The following EPB41L4A variants were observed in gnomAD, a reference collection of about 807,000 sequenced individuals.
The protein encoded by EPB41L4A is band 4.1-like protein 4A.
EPB41L4A carries 100 observed loss-of-function variants against 108.6 expected under a neutral mutation model. The ratio of observed to expected loss-of-function variants is 0.92; its 90% CI spans 0.78 to 1.09. EPB41L4A has a LOEUF of 1.09. Ranked by LOEUF, EPB41L4A falls within the 50% of genes least tolerant of loss-of-function variation. The pLI is 0.00. For synonymous variants in EPB41L4A, 319 were observed against 289.0 expected (o/e 1.10, Z -1.05); for missense variants, 1,030 against 842.7 (o/e 1.22, Z -2.75).
intron 2 of EPB41L4A, among the ~76,000 whole-genome samples, chr5:112,280,591 A>G (rs1226702534): frequency 6.6e-6 from 1 of 152,098 alleles, no homozygotes; most frequent in African/African-American, 2.4e-5. Flanking sequence ...GAAGTTTAAG[A>G]CCACCCTGGC....
In EPB41L4A at chr5:112,184,158, G is replaced by GT. The variant is rs746557317; in HGVS notation, c.1503-24_1503-23insA. 8 of 1,613,084 alleles carry GT rather than the reference G, an allele frequency of 5.0e-6. No homozygotes were observed. The Admixed American group carries it at 6.7e-5, about 13-fold the overall frequency. On this transcript the variant is annotated intron_variant, in intron 17 of 22. Transcript: ENST00000261486. ...ATTCTGAAAGGAAAGCCATGCATCT[G>GT]AAGTTAACATCTACATGGATGGCGC... is the stretch of plus-strand genomic sequence containing the variant.
At chr5:112,314,390 G>A (rs761706285) in intron 1 of EPB41L4A, among the ~76,000 whole-genome samples, 5 of 151,158 alleles carry the variant, frequency 3.3e-5, no homozygotes, top group Admixed American at 1.3e-4. Flanking sequence ...GAAGTCAGCC[G>A]GGCATGGTGG....
At chr5:112,320,921 C>T (rs1317287023) in intron 1 of EPB41L4A, among the ~76,000 whole-genome samples, 5 of 152,212 alleles carry the variant, frequency 3.3e-5, no homozygotes, top group African/African-American at 7.2e-5. Flanking sequence ...TTTAAGGGAA[C>T]TCCCCAACCC....
At chr5:112,376,054 G>A (rs1262065774) in intron 1 of EPB41L4A, among the ~76,000 whole-genome samples, 2 of 152,152 alleles carry the variant, frequency 1.3e-5, no homozygotes, top group Non-Finnish European at 2.9e-5. Context: ...CTTAATAACT[G>A]CTGCTAAGCA....
chr5:112,363,350 CTT>C (rs1299255145), intron 1 of EPB41L4A: 1 of 147,978 alleles, frequency 6.8e-6, no homozygotes, highest in East Asian at 2.0e-4. Context: ...ATGCCCAACA[CTT>C]TGAGAGGCTG....
rs529017156 is a variant in EPB41L4A, at chr5:112,197,519, C to G, written c.1377-1811G>C. ...AGTGTTCCAGGAATATGATTCCATT[C>G]TTTTGTAGGTTTTAAATTTTCTAAG... On this transcript the variant is annotated intron_variant, in intron 15 of 22. Coordinates refer to ENST00000261486, the MANE Select transcript of EPB41L4A (RefSeq NM_022140.5). Among the ~76,000 whole-genome samples the G allele has an allele frequency of 2.7e-4, 41 of 152,246 alleles. 1 individual carries two copies. The South Asian group carries it at 8.5e-3, about 32-fold the overall frequency.
intron 1 of EPB41L4A, among the ~76,000 whole-genome samples, chr5:112,358,492 C>T (rs1248390051): frequency 6.6e-6 from 1 of 152,112 alleles, no homozygotes; most frequent in Admixed American, 6.5e-5. Flanking sequence ...ATCTAGAATC[C>T]CCTTGCAATC....
At chr5:112,157,458 A>C (rs1160716372) in intron 12 of EPB41L4A, among the ~76,000 whole-genome samples, 3 of 152,218 alleles carry the variant, frequency 2.0e-5, no homozygotes. Context: ...AAATTAACAC[A>C]AATTTAGTGG....
chr5:112,412,458 A>C (rs1240471836), intron 1 of EPB41L4A, among the ~76,000 whole-genome samples: 1 of 152,252 alleles, frequency 6.6e-6, no homozygotes, highest in African/African-American at 2.4e-5. Context: ...CACAGGAAAT[A>C]CATGCATGGC....
intron 12 of EPB41L4A, among the ~76,000 whole-genome samples, chr5:112,147,840 A>G (rs1642796548): frequency 6.6e-6 from 1 of 151,774 alleles, no homozygotes; most frequent in Admixed American, 6.6e-5. Context: ...AGCATTTGAG[A>G]CCAGCCTGGC....
intron 9 of EPB41L4A, among the ~76,000 whole-genome samples, chr5:112,247,376 C>G (rs902165016): frequency 1.4e-4 from 22 of 152,172 alleles, no homozygotes; most frequent in Admixed American, 2.6e-4. Flanking sequence ...AAGATCAGAC[C>G]AGGACAGGCT....
At chr5:112,390,009 T>C (rs1236032299) in intron 1 of EPB41L4A, among the ~76,000 whole-genome samples, 1 of 152,198 alleles carries the variant, frequency 6.6e-6, no homozygotes, top group Non-Finnish European at 1.5e-5. Flanking sequence ...AGTAAATAAA[T>C]TCTGCATGTC....
intron 1 of EPB41L4A, among the ~76,000 whole-genome samples, chr5:112,394,013 G>A (rs1487913479): frequency 6.6e-6 from 1 of 152,146 alleles, no homozygotes; most frequent in African/African-American, 2.4e-5. Context: ...AACAGATGCA[G>A]AAAAGGCCTT....
chr5:112,219,961 G>T (rs1283270875), intron 12 of EPB41L4A, among the ~76,000 whole-genome samples: 1 of 152,232 alleles, frequency 6.6e-6, no homozygotes, highest in Non-Finnish European at 1.5e-5. Context: ...CTCCCAAAGT[G>T]CTGGGATTAC....
chr5:112,419,402 A>T (rs1336635845), upstream of EPB41L4A: 2 of 357,638 alleles, frequency 5.6e-6, no homozygotes, highest in Non-Finnish European at 1.1e-5. Flanking sequence ...GGGGCAAGAG[A>T]CCAGAAAAAG....
rs980005296 is a variant in EPB41L4A at position 112,360,376 on chromosome 5, T to G, written c.100-52886A>C. Reference sequence around the variant, plus strand: ...CTCGGCTCACCGCAACCTCCCTGCCTGATTCTCCTGCCTCAGCCTGCCCAG... The same window carrying G: ...CTCGGCTCACCGCAACCTCCCTGCCGGATTCTCCTGCCTCAGCCTGCCCAG... On this transcript the variant is annotated intron_variant, in intron 1 of 22. Transcript: ENST00000261486. 5.3e-5 allele frequency among the ~76,000 whole-genome samples: 8 copies of G among 152,318 alleles called. No homozygotes were observed. In the South Asian group the frequency reaches 1.7e-3, roughly 32 times the overall value.
At chr5:112,302,406 G>A (rs1338275726) in intron 2 of EPB41L4A, among the ~76,000 whole-genome samples, 3 of 152,130 alleles carry the variant, frequency 2.0e-5, no homozygotes, top group Non-Finnish European at 2.9e-5. Context: ...CAGATTTGGA[G>A]GGGAAGATGG....
chr5:112,222,294 T>C (rs1179338576), intron 12 of EPB41L4A, among the ~76,000 whole-genome samples: 1 of 152,198 alleles, frequency 6.6e-6, no homozygotes, highest in Non-Finnish European at 1.5e-5. Flanking sequence ...TAACTTCCAT[T>C]TACTTTCCAA....
chr5:112,179,000 C>T (rs1272643489), intron 18 of EPB41L4A, among the ~76,000 whole-genome samples: 1 of 151,656 alleles, frequency 6.6e-6, no homozygotes, highest in East Asian at 1.9e-4. Flanking sequence ...AAACACAAAT[C>T]ACCAACATCA....
Sources: allele counts gnomAD v4.1 joint callset (sites outside exome capture counted in the v4.1 genomes callset), GRCh38; gene constraint gnomAD v4.1.1; transcripts MANE v1.5; gene names NCBI Gene and HGNC (gene_info 2026-07-23, HGNC 2026-07-21).